NEGR1: variants seen among roughly 807,000 people sequenced by gnomAD.
NEGR1 encodes IgLON family member 4.
Under a neutral mutation model 40.9 loss-of-function variants are expected in NEGR1, and 10 were observed. The ratio of observed to expected loss-of-function variants is 0.24; its 90% CI spans 0.15 to 0.42. The LOEUF (loss-of-function observed/expected upper bound fraction) is 0.42, where lower values mean the gene tolerates loss of function less well. NEGR1 is among the 10% of genes least tolerant of loss of function. The pLI, the probability that NEGR1 is intolerant of heterozygous loss-of-function variation, is 1.00. For synonymous variants in NEGR1, 185 were observed against 166.8 expected (o/e 1.11, Z -0.84); for missense variants, 352 against 438.9 (o/e 0.80, Z 1.77).
chr1:71,517,595 C>G (rs1647127384), intron 6 of NEGR1, among the ~76,000 whole-genome samples: 1 of 145,102 alleles, frequency 6.9e-6, no homozygotes. Context: ...TAAGAGCTAT[C>G]TATGACAAAC....
chr1:71,724,157 T>C (rs1383096481), intron 3 of NEGR1, among the ~76,000 whole-genome samples: 1 of 152,156 alleles, frequency 6.6e-6, no homozygotes, highest in East Asian at 1.9e-4. Context: ...CTGGATTCAT[T>C]TTTTAAAATT....
At chr1:72,076,890 C>CTTTTTT (rs56943357) in intron 1 of NEGR1, among the ~76,000 whole-genome samples, 15 of 101,690 alleles carry the variant, frequency 1.5e-4, no homozygotes, top group African/African-American at 5.3e-4. Context: ...CTCATTTATC[C>CTTTTTT]TTTTTTTTTT....
intron 2 of NEGR1, among the ~76,000 whole-genome samples, chr1:71,868,470 G>T (rs1473579125): frequency 4.8e-3 from 387 of 80,182 alleles, no homozygotes; most frequent in Non-Finnish European, 7.4e-3. Flanking sequence ...TAGATAGACA[G>T]AATACATACA....
chr1:71,434,563 G>A (rs1225321266), intron 6 of NEGR1, among the ~76,000 whole-genome samples: 1 of 152,072 alleles, frequency 6.6e-6, no homozygotes, highest in Non-Finnish European at 1.5e-5. Flanking sequence ...AGGTTCTTGT[G>A]TTTATTTTAA....
At chr1:71,596,924 T>A (rs1276302633) in intron 5 of NEGR1, among the ~76,000 whole-genome samples, 3 of 152,208 alleles carry the variant, frequency 2.0e-5, no homozygotes, top group Non-Finnish European at 4.4e-5. Context: ...TTTATCAGAC[T>A]GGAATTATGA....
intron 1 of NEGR1, among the ~76,000 whole-genome samples, chr1:72,092,197 T>C (rs1298553369): frequency 6.6e-6 from 1 of 152,244 alleles, no homozygotes; most frequent in East Asian, 1.9e-4. Context: ...TCTGGAAGTG[T>C]CAGATAAATG....
At chr1:71,802,973 T>C (rs1657613011) in intron 2 of NEGR1, among the ~76,000 whole-genome samples, 1 of 152,162 alleles carries the variant, frequency 6.6e-6, no homozygotes, top group African/African-American at 2.4e-5. Context: ...TTGGTGCTCT[T>C]AGCATGTGGT....
Position 71,405,386 on chromosome 1 carries a change from T to A in NEGR1, c.*2060A>T, listed in dbSNP as rs1335406585. 6.6e-6 allele frequency: 1 copy of A among 152,324 alleles called. No individual in the cohort carries two copies. The highest frequency in any genetic ancestry group is 1.9e-4 in the East Asian group (1 of 5,194). The allele number at this position is 152,324 out of a possible 1,614,324, so 9.4% of individuals were successfully genotyped here. ...ACTATTTCTAGTAAGTAGATTATTA[T>A]GGAGTGTGCCACTTTAAAGCTGCAA... On this transcript the variant is annotated 3_prime_UTR_variant, in exon 7 of 7. Coordinates refer to ENST00000357731, the MANE Select transcript of NEGR1 (RefSeq NM_173808.3).
At chr1:71,883,673 C>A (rs1311376714) in intron 2 of NEGR1, among the ~76,000 whole-genome samples, 1 of 151,616 alleles carries the variant, frequency 6.6e-6, no homozygotes, top group African/African-American at 2.4e-5. Flanking sequence ...TGTGCTGCAC[C>A]CATTAACTCA....
chr1:71,504,948 G>GA (rs1471520060), intron 6 of NEGR1, among the ~76,000 whole-genome samples: 1 of 151,890 alleles, frequency 6.6e-6, no homozygotes, highest in African/African-American at 2.4e-5. Flanking sequence ...AGAGGAGGAG[G>GA]AAAAAAAATT....
chr1:72,174,065 T>C (rs941620250), intron 1 of NEGR1, among the ~76,000 whole-genome samples: 1 of 152,170 alleles, frequency 6.6e-6, no homozygotes, highest in Non-Finnish European at 1.5e-5. Flanking sequence ...TCTTCTAACA[T>C]GGACATCCCA....
At chr1:72,251,482 A>T (rs1479098879) in intron 1 of NEGR1, among the ~76,000 whole-genome samples, 1 of 152,218 alleles carries the variant, frequency 6.6e-6, no homozygotes, top group Non-Finnish European at 1.5e-5. Context: ...GGTTAGTTTC[A>T]GAAACTCCTG....
At chr1:71,989,797 A>T (rs1646433853) in intron 1 of NEGR1, among the ~76,000 whole-genome samples, 1 of 152,230 alleles carries the variant, frequency 6.6e-6, no homozygotes, top group Non-Finnish European at 1.5e-5. Context: ...GTCATTTTCT[A>T]TCACAGCTTT....
chr1:71,956,769 C>T (rs1646122985), intron 1 of NEGR1, among the ~76,000 whole-genome samples: 1 of 152,080 alleles, frequency 6.6e-6, no homozygotes, highest in Admixed American at 6.6e-5. Context: ...TTTGGTAACA[C>T]AGCCAGGATA....
intron 1 of NEGR1, among the ~76,000 whole-genome samples, chr1:72,145,118 T>A (rs1009114465): frequency 6.6e-6 from 1 of 152,042 alleles, no homozygotes; most frequent in African/African-American, 2.4e-5. Flanking sequence ...AGTGAGGTTT[T>A]AAAAAAATGT....
chr1:71,551,032 T>TTG (rs1358672908), intron 6 of NEGR1, among the ~76,000 whole-genome samples: 1 of 151,616 alleles, frequency 6.6e-6, no homozygotes, highest in Non-Finnish European at 1.5e-5. Flanking sequence ...TACTCTACAT[T>TTG]GTATGCTCTT....
intron 1 of NEGR1, among the ~76,000 whole-genome samples, chr1:71,963,593 T>G (rs904452802): frequency 6.6e-6 from 1 of 152,194 alleles, no homozygotes; most frequent in Non-Finnish European, 1.5e-5. Context: ...CTCTCACCAT[T>G]CCTTTGCTCA....
chr1:72,143,057 G>A (rs560532916), intron 1 of NEGR1, among the ~76,000 whole-genome samples: 2 of 151,802 alleles, frequency 1.3e-5, no homozygotes, highest in South Asian at 4.1e-4. Flanking sequence ...GAGCAATACT[G>A]TTCTGATGAA....
intron 2 of NEGR1, among the ~76,000 whole-genome samples, chr1:71,885,041 G>T (rs1660688583): frequency 1.3e-5 from 2 of 152,290 alleles, no homozygotes; most frequent in South Asian, 4.1e-4. Context: ...TTAAACTATA[G>T]AAGTGTTGAG....
Sources: allele counts gnomAD v4.1 joint callset (sites outside exome capture counted in the v4.1 genomes callset), GRCh38; gene constraint gnomAD v4.1.1; transcripts MANE v1.5; gene names NCBI Gene and HGNC (gene_info 2026-07-23, HGNC 2026-07-21).